CFAP299: variants seen among roughly 807,000 people sequenced by gnomAD.
CFAP299 encodes cilia and flagella associated protein 299.
CFAP299 carries 21 observed loss-of-function variants against 27.0 expected under a neutral mutation model. The ratio of observed to expected loss-of-function variants is 0.78; its 90% CI spans 0.55 to 1.12. The LOEUF (loss-of-function observed/expected upper bound fraction) is 1.12, where lower values mean the gene tolerates loss of function less well. Ranked by LOEUF, CFAP299 falls within the 50% of genes most tolerant of loss-of-function variation. The pLI is 0.00. For synonymous variants in CFAP299, 104 were observed against 98.1 expected (o/e 1.06, Z -0.36); for missense variants, 310 against 276.6 (o/e 1.12, Z -0.86).
intron 2 of CFAP299, among the ~76,000 whole-genome samples, chr4:80,576,197 A>AATATATAT (rs1553935643): frequency 2.5e-4 from 8 of 32,460 alleles, no homozygotes; most frequent in African/African-American, 4.9e-4. Context: ...TAAAAAAAAA[A>AATATATAT]ATATATATAT....
chr4:80,491,230 T>A (rs1292627878), intron 2 of CFAP299, among the ~76,000 whole-genome samples: 1 of 152,112 alleles, frequency 6.6e-6, no homozygotes, highest in East Asian at 1.9e-4. Context: ...ATAAGGATAG[T>A]TTTATCGTTT....
intron 3 of CFAP299, among the ~76,000 whole-genome samples, chr4:80,700,091 A>C (rs1578035675): frequency 6.6e-6 from 1 of 152,164 alleles, no homozygotes; most frequent in East Asian, 1.9e-4. Context: ...AAGGAAGTGA[A>C]GAAAAATGAG....
At chr4:80,898,376 A>G (rs1255241223) in intron 4 of CFAP299, among the ~76,000 whole-genome samples, 2 of 151,978 alleles carry the variant, frequency 1.3e-5, no homozygotes, top group African/African-American at 2.4e-5. Context: ...TCTGAACTCA[A>G]GCTGCTTCTC....
intron 2 of CFAP299, among the ~76,000 whole-genome samples, chr4:80,506,087 T>C (rs1478799133): frequency 2.0e-5 from 3 of 151,868 alleles, no homozygotes; most frequent in African/African-American, 7.3e-5. Context: ...TGTCCCTTTT[T>C]TTCTGGATTA....
upstream of CFAP299, chr4:80,335,721 TG>T: frequency 8.8e-7 from 1 of 1,137,774 alleles, no homozygotes; most frequent in Non-Finnish European, 1.3e-6. Flanking sequence ...CTCCTGACCC[TG>T]CCCTCCTGCT....
chr4:80,633,101 C>G (rs551009827), intron 3 of CFAP299, among the ~76,000 whole-genome samples: 83 of 152,272 alleles, frequency 5.5e-4, no homozygotes, highest in Non-Finnish European at 3.7e-4. Context: ...TTTCTTCTTA[C>G]AAGTGAGAAA....
At chr4:80,716,660 G>A (rs979781149) in intron 3 of CFAP299, among the ~76,000 whole-genome samples, 1 of 152,052 alleles carries the variant, frequency 6.6e-6, no homozygotes, top group African/African-American at 2.4e-5. Context: ...TGAGCATCCT[G>A]CCCCATTAAA....
chr4:80,405,446 T>C (rs1173112694), intron 2 of CFAP299, among the ~76,000 whole-genome samples: 1 of 152,234 alleles, frequency 6.6e-6, no homozygotes. Context: ...CATTTCCCAT[T>C]AAATCTTTAA....
At chr4:80,537,843 A>G (rs946946958) in intron 2 of CFAP299, among the ~76,000 whole-genome samples, 15 of 152,066 alleles carry the variant, frequency 9.9e-5, no homozygotes, top group African/African-American at 3.1e-4. Flanking sequence ...CAAAAAAAAA[A>G]TAGGTGATGT....
intron 2 of CFAP299, among the ~76,000 whole-genome samples, chr4:80,443,214 C>T (rs1728451784): frequency 6.6e-6 from 1 of 152,150 alleles, no homozygotes; most frequent in African/African-American, 2.4e-5. Context: ...ATACTAAAAC[C>T]TGGCAGAGAC....
chr4:80,729,037 C>CA (rs1560720867), intron 3 of CFAP299, among the ~76,000 whole-genome samples: 3 of 152,032 alleles, frequency 2.0e-5, no homozygotes, highest in Non-Finnish European at 1.5e-5. Context: ...GTTGAGTTTA[C>CA]AAAAAAATAA....
At chr4:80,891,806 GC>G (rs1212465761) in intron 4 of CFAP299, among the ~76,000 whole-genome samples, 2 of 76,796 alleles carry the variant, frequency 2.6e-5, no homozygotes, top group Non-Finnish European at 5.2e-5. Flanking sequence ...AAAAATAAAA[GC>G]TTTGAGAAGC....
chr4:80,683,478 AACTT>A (rs1719975418), intron 3 of CFAP299, among the ~76,000 whole-genome samples: 1 of 152,312 alleles, frequency 6.6e-6, no homozygotes, highest in Admixed American at 6.5e-5. Context: ...TATAACATAA[AACTT>A]ACAAGTATAC....
At chr4:80,702,838 G>A (rs1489138190) in intron 3 of CFAP299, among the ~76,000 whole-genome samples, 12 of 151,690 alleles carry the variant, frequency 7.9e-5, no homozygotes, top group Admixed American at 5.3e-4. Context: ...TCAAATCTGC[G>A]TTCTGATTTG....
chr4:80,531,975 C>T lies in CFAP299; in HGVS notation c.243-51118C>T, dbSNP rs370310077. 5.3e-5 allele frequency among the ~76,000 whole-genome samples: 8 copies of T among 151,882 alleles called. No individual in the cohort carries two copies. In the East Asian group the frequency reaches 9.7e-4, roughly 18 times the overall value. ...TCTCCATTGTCGGTCAGGCTAGTCC[C>T]GAACTCCCGACCTCAGGTGATCCGC... is the stretch of plus-strand genomic sequence containing the variant. On this transcript the variant is annotated intron_variant, in intron 2 of 5. Coordinates refer to ENST00000358105, the MANE Select transcript of CFAP299 (RefSeq NM_152770.3).
chr4:80,556,888 C>T (rs1382308336), intron 2 of CFAP299, among the ~76,000 whole-genome samples: 1 of 151,966 alleles, frequency 6.6e-6, no homozygotes, highest in Admixed American at 6.6e-5. Flanking sequence ...CTGCAGTTCA[C>T]CCAAAAGGTA....
At chr4:80,338,498 G>T (rs1560518962) in intron 1 of CFAP299, among the ~76,000 whole-genome samples, 2 of 152,206 alleles carry the variant, frequency 1.3e-5, no homozygotes, top group East Asian at 3.9e-4. Flanking sequence ...GCAATATTGT[G>T]TTTTTAATCA....
intron 3 of CFAP299, among the ~76,000 whole-genome samples, chr4:80,637,569 C>T (rs1486258463): frequency 6.6e-6 from 1 of 152,110 alleles, no homozygotes; most frequent in Non-Finnish European, 1.5e-5. Flanking sequence ...GAATTCCCAG[C>T]ACTATAGCAT....
chr4:80,935,782 C>T (rs960257531), intron 4 of CFAP299, among the ~76,000 whole-genome samples: 1 of 152,028 alleles, frequency 6.6e-6, no homozygotes, highest in South Asian at 2.1e-4. Context: ...AACAGGCAAC[C>T]TACAGAATGA....
Sources: allele counts gnomAD v4.1 joint callset (sites outside exome capture counted in the v4.1 genomes callset), GRCh38; gene constraint gnomAD v4.1.1; transcripts MANE v1.5; gene names NCBI Gene and HGNC (gene_info 2026-07-23, HGNC 2026-07-21).